The following EYA4 variants were observed in gnomAD, a reference collection of about 807,000 sequenced individuals.
EYA4 encodes the protein EYA transcriptional coactivator and phosphatase 4.
In EYA4, 31 loss-of-function variants were observed where a neutral mutation model predicts 87.9. The observed-to-expected ratio is 0.35, with a 90% CI of 0.27 to 0.48. The LOEUF is 0.48. Among genes scored for constraint, EYA4 ranks in the 20% least tolerant of loss-of-function variants. The probability of loss-of-function intolerance (pLI) is 0.99; values close to 1 mark genes in which losing one functional copy is unlikely to be tolerated. For missense variants in EYA4, 678 were observed against 761.4 expected (o/e 0.89, Z 1.29); for synonymous variants, 263 against 270.6 (o/e 0.97, Z 0.28).
rs140170914 is a variant in EYA4 at position 133,481,527 on chromosome 6, G to C, written c.1035G>C (p.Arg345Ser). 6.2e-4 allele frequency: 1,001 copies of C among 1,613,750 alleles called. 1 individual carries two copies. Among genetic ancestry groups the C allele is most frequent in the Non-Finnish European group, 8.2e-4 (968 of 1,179,838 alleles). Residue 345 changes from arginine to serine, a missense_variant, in exon 12 of 20, where the codon AGG (arginine) becomes AGC (serine). Transcript: ENST00000355286. ...PIKDLDERTCRSSGSKSRGRG... is the reference protein window; with the variant it reads ...PIKDLDERTCSSSGSKSRGRG... Reference sequence around the variant, plus strand: ...AAGATCTTGATGAGAGAACCTGTAGGAGTTCTGGGTCAAAGTCCAGAGGAA... The same window carrying C: ...AAGATCTTGATGAGAGAACCTGTAGCAGTTCTGGGTCAAAGTCCAGAGGAA...
intron 3 of EYA4, among the ~76,000 whole-genome samples, chr6:133,443,095 C>T (rs553931019): frequency 6.6e-6 from 1 of 151,016 alleles, no homozygotes; most frequent in Non-Finnish European, 1.5e-5. Flanking sequence ...TAAAATTGTT[C>T]CTTTCTGGTT....
chr6:133,336,093 A>T (rs1782343431), intron 2 of EYA4, among the ~76,000 whole-genome samples: 1 of 152,178 alleles, frequency 6.6e-6, no homozygotes, highest in Non-Finnish European at 1.5e-5. Context: ...AACTATTATA[A>T]ATAGAAAGAA....
intron 1 of EYA4, among the ~76,000 whole-genome samples, chr6:133,260,096 A>G (rs1023932035): frequency 2.0e-5 from 3 of 151,702 alleles, no homozygotes; most frequent in South Asian, 2.1e-4. Flanking sequence ...TGGCTTTTCA[A>G]TTTTATTTCT....
At chr6:133,480,321 C>G (rs372609704) in intron 11 of EYA4, among the ~76,000 whole-genome samples, 1 of 152,154 alleles carries the variant, frequency 6.6e-6, no homozygotes, top group East Asian at 1.9e-4. Flanking sequence ...AGGACTGAGT[C>G]TGTCTATTGC....
intron 6 of EYA4, 28 bp downstream of exon 6, chr6:133,456,676 C>T (rs765982559): frequency 1.4e-5 from 19 of 1,361,340 alleles, no homozygotes; most frequent in Middle Eastern, 1.8e-4. Flanking sequence ...TGTGTCCTTA[C>T]GTACACATGG....
chr6:133,458,058 G>T (rs752473181), intron 6 of EYA4, among the ~76,000 whole-genome samples: 1 of 152,042 alleles, frequency 6.6e-6, no homozygotes, highest in Non-Finnish European at 1.5e-5. Flanking sequence ...CAGTCCCTGG[G>T]TCCTTTCTGT....
chr6:133,358,242 A>T (rs1275887284), intron 2 of EYA4, among the ~76,000 whole-genome samples: 1 of 152,136 alleles, frequency 6.6e-6, no homozygotes, highest in Admixed American at 6.5e-5. Context: ...AATCTAGTGT[A>T]TTGGAGGGTC....
intron 3 of EYA4, among the ~76,000 whole-genome samples, chr6:133,412,522 A>G (rs74479039): frequency 0.054 from 8,241 of 152,006 alleles, 666 homozygotes; most frequent in African/African-American, 0.17. Context: ...TAATGTATGT[A>G]TTTTTTGTGT....
chr6:133,522,294 C>T (rs1800255232), intron 17 of EYA4, among the ~76,000 whole-genome samples: 1 of 148,172 alleles, frequency 6.7e-6, no homozygotes, highest in African/African-American at 2.5e-5. Flanking sequence ...ACTATTATTC[C>T]CACCTCCCAA....
chr6:133,244,865 GAA>G (rs1774277266), intron 1 of EYA4, among the ~76,000 whole-genome samples: 1 of 151,996 alleles, frequency 6.6e-6, no homozygotes, highest in Admixed American at 6.5e-5. Context: ...AGGATTTTTA[GAA>G]AGATAGAATG....
chr6:133,452,380 T>C (rs964191830), intron 5 of EYA4, among the ~76,000 whole-genome samples: 7 of 152,196 alleles, frequency 4.6e-5, no homozygotes, highest in African/African-American at 1.7e-4. Context: ...TTATGTGGGT[T>C]ACCTTTCGAG....
chr6:133,516,544 C>G (rs1449157158), intron 17 of EYA4, among the ~76,000 whole-genome samples: 1 of 149,644 alleles, frequency 6.7e-6, no homozygotes, highest in Non-Finnish European at 1.5e-5. Flanking sequence ...AACCCCATCT[C>G]TACTAAAAAT....
chr6:133,457,679 A>G (rs992405815), intron 6 of EYA4, among the ~76,000 whole-genome samples: 3 of 152,212 alleles, frequency 2.0e-5, no homozygotes, highest in African/African-American at 7.2e-5. Flanking sequence ...CTTTGCACAG[A>G]GACTCATATG....
At chr6:133,267,690 A>T (rs1022674732) in intron 1 of EYA4, among the ~76,000 whole-genome samples, 1 of 151,990 alleles carries the variant, frequency 6.6e-6, no homozygotes, top group Admixed American at 6.6e-5. Context: ...GCCCCTCATC[A>T]TTTTTATAAT....
chr6:133,365,160 A>C (rs1490889740), intron 2 of EYA4, among the ~76,000 whole-genome samples: 1 of 152,132 alleles, frequency 6.6e-6, no homozygotes, highest in Admixed American at 6.5e-5. Context: ...ATTGGATTGC[A>C]TTATCTTAGG....
At position 133,381,198 on chromosome 6, in the gene EYA4, G is replaced by A. The variant is rs537921791; in HGVS notation, c.34-1194G>A. ...TGCTGGTCAGTTTTATTTTCATATT[G>A]TGTAAGTGTATACACAAGATGCAAA... On this transcript the variant is annotated intron_variant, in intron 2 of 19. Transcript: ENST00000355286. Among the ~76,000 whole-genome samples the A allele has an allele frequency of 8.4e-5, 12 of 142,360 alleles. No individual in the cohort carries two copies. In the South Asian group the frequency reaches 2.7e-3, roughly 33 times the overall value. The allele number at this position is 142,360 out of a possible 152,430, so 93.4% of individuals were successfully genotyped here.
chr6:133,390,853 A>G lies in EYA4; in HGVS notation c.83+8412A>G, dbSNP rs189916379. 2.0e-5 allele frequency among the ~76,000 whole-genome samples: 3 copies of G among 152,298 alleles called. No individual in the cohort carries two copies. In the East Asian group the frequency reaches 5.8e-4, roughly 29 times the overall value. On this transcript the variant is annotated intron_variant, in intron 3 of 19. Coordinates refer to ENST00000355286, the MANE Select transcript of EYA4 (RefSeq NM_004100.5). ...AAGAGCACCAGAGTGCAGTTTGAGC[A>G]CTGGGGGTTAGTGTGGTTAGGAAGG...
intron 2 of EYA4, among the ~76,000 whole-genome samples, chr6:133,368,701 G>A (rs960423657): frequency 6.6e-6 from 1 of 152,112 alleles, no homozygotes; most frequent in Admixed American, 6.5e-5. Context: ...ATGAAGTCAG[G>A]CAGCTCTCTG....
chr6:133,303,838 C>T (rs1174241254), intron 2 of EYA4, among the ~76,000 whole-genome samples: 1 of 152,038 alleles, frequency 6.6e-6, no homozygotes, highest in African/African-American at 2.4e-5. Flanking sequence ...GCCATGGTTC[C>T]GTTAGTACTT....
Sources: gnomAD v4.1 joint callset for allele counts (sites outside exome capture counted in the v4.1 genomes callset) on GRCh38, gnomAD v4.1.1 for gene constraint, MANE v1.5 for transcripts, NCBI Gene and HGNC (gene_info 2026-07-23, HGNC 2026-07-21) for gene names.